Variants in IRAK1BP1 observed in about 807,000 individuals in gnomAD.
The protein encoded by IRAK1BP1 is interleukin-1 receptor-associated kinase 1-binding protein 1.
IRAK1BP1 carries 24 observed loss-of-function variants against 28.0 expected under a neutral mutation model. The ratio of observed to expected loss-of-function variants is 0.86; its 90% CI spans 0.62 to 1.20. The LOEUF (loss-of-function observed/expected upper bound fraction) is 1.20, where lower values mean the gene tolerates loss of function less well. Among genes scored for constraint, IRAK1BP1 ranks in the 50% most tolerant of loss-of-function variants. The pLI, the probability that IRAK1BP1 is intolerant of heterozygous loss-of-function variation, is 0.00. For missense variants in IRAK1BP1, 336 were observed against 316.7 expected (o/e 1.06, Z -0.46); for synonymous variants, 131 against 116.3 (o/e 1.13, Z -0.81).
chr6:78,955,588 GTAA>G, the IRAK1BP1 span: 8 of 743,658 alleles, frequency 1.1e-5, no homozygotes, highest in East Asian at 5.2e-5. Context: ...TATCAATATG[GTAA>G]TAATAATGAA....
intron 1 of IRAK1BP1, among the ~76,000 whole-genome samples, chr6:78,872,447 T>G (rs1385466435): frequency 6.6e-6 from 1 of 152,190 alleles, no homozygotes; most frequent in African/African-American, 2.4e-5. Flanking sequence ...AGCTATATAT[T>G]TATACATGTC....
chr6:78,970,112 C>T, the IRAK1BP1 span: 8 of 1,612,838 alleles, frequency 5.0e-6, no homozygotes, highest in Non-Finnish European at 5.9e-6. Context: ...AAGTTTAAGG[C>T]AGCAAAGGGT....
At chr6:78,925,177 G>A (rs1772853260) in intron 4 of IRAK1BP1, among the ~76,000 whole-genome samples, 1 of 152,032 alleles carries the variant, frequency 6.6e-6, no homozygotes. Context: ...TTTGGGGTGG[G>A]GGTATGGGGG....
At chr6:78,970,240 T>C in the IRAK1BP1 span, 16 of 1,402,614 alleles carry the variant, frequency 1.1e-5, no homozygotes, top group Non-Finnish European at 6.9e-6. Flanking sequence ...CTGCTAAACA[T>C]TGTTGAGAAA....
At chr6:78,903,341 AT>A (rs1029812097), downstream of IRAK1BP1, among the ~76,000 whole-genome samples, 4 of 151,840 alleles carry the variant, frequency 2.6e-5, no homozygotes, top group African/African-American at 9.7e-5. Context: ...AAAAAAAAAA[AT>A]TAGCTGGGTG....
intron 1 of IRAK1BP1, among the ~76,000 whole-genome samples, chr6:78,873,006 A>G (rs1770843077): frequency 6.6e-6 from 1 of 152,112 alleles, no homozygotes; most frequent in Non-Finnish European, 1.5e-5. Context: ...CTGTAATCCC[A>G]GCACTTTGGG....
chr6:78,881,050 A>C (rs986749003), intron 1 of IRAK1BP1, among the ~76,000 whole-genome samples: 12 of 152,218 alleles, frequency 7.9e-5, no homozygotes, highest in African/African-American at 2.9e-4. Context: ...AAACGTAAGT[A>C]CATATAAGAA....
chr6:78,946,147 T>C, exon 5 of IRAK1BP1: 1 of 1,614,100 alleles, frequency 6.2e-7, no homozygotes, highest in Non-Finnish European at 8.5e-7. Context: ...TGTTTTACCG[T>C]TTATCTGAGC....
the IRAK1BP1 span, among the ~76,000 whole-genome samples, chr6:78,965,240 A>T: frequency 6.6e-6 from 1 of 152,144 alleles, no homozygotes; most frequent in Non-Finnish European, 1.5e-5. Context: ...ATTAGCTTTG[A>T]CGGTTTCTAA....
Position 78,875,405 on chromosome 6 carries a change from G to A in IRAK1BP1, c.315+7514G>A, listed in dbSNP as rs140395586. ...GCCTATACCCAAAGGTAAATAAATC[G>A]TTCTACCAAAAAGACACATTCACTT... On this transcript the variant is annotated intron_variant, in intron 1 of 3. Coordinates refer to ENST00000369940, the MANE Select transcript of IRAK1BP1 (RefSeq NM_001010844.4). Among the ~76,000 whole-genome samples the A allele has an allele frequency of 6.4e-4, 98 of 152,014 alleles. 1 individual carries two copies. In the South Asian group the frequency reaches 7.7e-3, roughly 12 times the overall value.
At chr6:78,925,499 C>T (rs1401363542) in intron 4 of IRAK1BP1, among the ~76,000 whole-genome samples, 1 of 152,106 alleles carries the variant, frequency 6.6e-6, no homozygotes, top group Non-Finnish European at 1.5e-5. Flanking sequence ...CTATCTCACA[C>T]CAGTGGAACA....
At chr6:78,907,180 T>C (rs1454706413), downstream of IRAK1BP1, among the ~76,000 whole-genome samples, 1 of 152,234 alleles carries the variant, frequency 6.6e-6, no homozygotes, top group Non-Finnish European at 1.5e-5. Context: ...CTGTGCAAAT[T>C]ATTTTAGAAA....
the IRAK1BP1 span, chr6:78,969,880 A>G: frequency 6.2e-7 from 1 of 1,600,664 alleles, no homozygotes. Context: ...TGTTGTCTCA[A>G]GACTAGGAAA....
chr6:78,871,262 C>G (rs912165645), intron 1 of IRAK1BP1: 2 of 985,130 alleles, frequency 2.0e-6, no homozygotes, highest in Non-Finnish European at 2.4e-6. Context: ...GTCTGGTCCT[C>G]CCTCACAAAA....
chr6:78,931,171 T>A (rs1213797317), intron 4 of IRAK1BP1, among the ~76,000 whole-genome samples: 2 of 152,022 alleles, frequency 1.3e-5, no homozygotes. Flanking sequence ...AAGGCCAAAG[T>A]AAGAGGATTA....
At position 78,941,428 on chromosome 6, in the gene IRAK1BP1, T is replaced by C. The variant is rs553899120; in HGVS notation, c.*68-3980T>C. On this transcript the variant is annotated intron_variant and NMD_transcript_variant, in intron 4 of 4. Transcript: ENST00000606868. Reference sequence around the variant, plus strand: ...GCCCCATTGGTATACTTATATGTAATGACATAATCCAAATTATTTTATTAA... The same window carrying C: ...GCCCCATTGGTATACTTATATGTAACGACATAATCCAAATTATTTTATTAA... 3.0e-5 allele frequency: 21 copies of C among 694,890 alleles called. No individual in the cohort carries two copies. The South Asian group carries it at 3.8e-4, about 12-fold the overall frequency. 43.0% of individuals were successfully genotyped at this position (694,890 alleles called of 1,614,324 possible).
chr6:78,975,588 C>G, the IRAK1BP1 span, among the ~76,000 whole-genome samples: 1 of 152,306 alleles, frequency 6.6e-6, no homozygotes, highest in Non-Finnish European at 1.5e-5. Context: ...CAAATTGTCC[C>G]TGTTTGCAGA....
the IRAK1BP1 span, among the ~76,000 whole-genome samples, chr6:78,974,709 G>A: frequency 1.3e-5 from 2 of 152,268 alleles, no homozygotes; most frequent in South Asian, 4.2e-4. Context: ...CGATCCCACA[G>A]AAATACAAAC....
chr6:78,969,754 T>A, the IRAK1BP1 span: 1 of 625,576 alleles, frequency 1.6e-6, no homozygotes, highest in Admixed American at 3.3e-5. Context: ...AATCTTTTTC[T>A]CAATTATGAA....
Sources: allele counts gnomAD v4.1 joint callset (sites outside exome capture counted in the v4.1 genomes callset), GRCh38; gene constraint gnomAD v4.1.1; transcripts MANE v1.5; gene names NCBI Gene and HGNC (gene_info 2026-07-23, HGNC 2026-07-21).